CUBN: variants seen among roughly 807,000 people sequenced by gnomAD.
CUBN encodes cubilin.
In CUBN, 282 loss-of-function variants were observed where a neutral mutation model predicts 405.3. That is an observed-to-expected ratio of 0.70 (90% confidence interval 0.63 to 0.77). The LOEUF (loss-of-function observed/expected upper bound fraction) is 0.77. CUBN is among the 30% of genes least tolerant of loss of function. The probability of loss-of-function intolerance (pLI) is 0.00; values close to 1 mark genes in which losing one functional copy is unlikely to be tolerated. For synonymous variants in CUBN, 1,684 were observed against 1,617.0 expected, an observed-to-expected ratio of 1.04 and a Z score of -0.99; for missense variants, 4,514 against 4,475.2, an observed-to-expected ratio of 1.01 and a Z score of -0.25.
intron 27 of CUBN, among the ~76,000 whole-genome samples, chr10:17,024,902 C>A (rs1564484923): frequency 6.6e-6 from 1 of 152,098 alleles, no homozygotes; most frequent in Non-Finnish European, 1.5e-5. Context: ...AATGTTGTTT[C>A]TTTTATTTCC....
intron 9 of CUBN, among the ~76,000 whole-genome samples, chr10:17,109,961 G>A (rs1554820227): frequency 1.3e-5 from 2 of 152,070 alleles, no homozygotes; most frequent in Non-Finnish European, 2.9e-5. Flanking sequence ...TGTTTCTAAT[G>A]AAAAAAATAT....
intron 16 of CUBN, 73 bp from the exon 17 acceptor site, chr10:17,084,534 C>T: frequency 1.5e-6 from 2 of 1,295,232 alleles, no homozygotes; most frequent in Non-Finnish European, 2.2e-6. Context: ...GATCCAATTT[C>T]TAAAAATTTA....
Position 16,900,793 on chromosome 10 carries a change from T to G in CUBN, c.8242A>C (p.Thr2748Pro). Residue 2748 changes from threonine to proline, a missense_variant, in exon 53 of 67, where the codon ACT becomes CCT. Thr to Pro is a conservative substitution (Grantham distance 38). Transcript: ENST00000377833. ...TCAGGGGACCCACCATTCCTGACAGTGACAGAGTCCCAAGCACAAGTTGTA... is the reference window on the plus strand; with the variant it reads ...TCAGGGGACCCACCATTCCTGACAGGGACAGAGTCCCAAGCACAAGTTGTA... ...PHTTCAWDSV[T>P]VRNGGSPESP... 1 of 1,614,114 alleles carries G rather than the reference T, an allele frequency of 6.2e-7. No homozygotes were observed. The highest frequency in any genetic ancestry group is 8.5e-7 in the Non-Finnish European group (1 of 1,179,994).
At chr10:16,839,723 C>G (rs1839282323) in intron 62 of CUBN, among the ~76,000 whole-genome samples, 1 of 148,112 alleles carries the variant, frequency 6.8e-6, no homozygotes, top group African/African-American at 2.4e-5. Context: ...TGGGTATATA[C>G]CCAAAGGATT....
At chr10:17,112,596 A>G (rs1342445889) in intron 8 of CUBN, among the ~76,000 whole-genome samples, 1 of 152,108 alleles carries the variant, frequency 6.6e-6, no homozygotes, top group African/African-American at 2.4e-5. Context: ...TTACCTTCAA[A>G]ATGTGATTGC....
In CUBN at chr10:17,068,587, AAG is replaced by A; in HGVS notation, c.2791+16_2791+17del. Reference sequence around the variant, plus strand: ...ACAAGCCCAAGAGGAGGAAAAAAAAAAGGGAACAGTCTCTTACCCAAATCCTC... The same window carrying A: ...ACAAGCCCAAGAGGAGGAAAAAAAAAGGAACAGTCTCTTACCCAAATCCTC... On this transcript the variant is annotated intron_variant, in intron 20 of 66. Coordinates refer to ENST00000377833, the MANE Select transcript of CUBN (RefSeq NM_001081.4). 6.3e-7 allele frequency: 1 copy of A among 1,596,324 alleles called. No homozygotes were observed. Among genetic ancestry groups the A allele is most frequent in the Non-Finnish European group, 8.6e-7 (1 of 1,166,874 alleles).
At position 17,114,135 on chromosome 10, in the gene CUBN, C is replaced by T. The variant is rs1836831641; in HGVS notation, c.775G>A (p.Ala259Thr). Residue 259 changes from alanine (A) to threonine (T), a missense_variant, in exon 8 of 67, where the codon GCC becomes ACC. This residue lies in a region of CUBN where 1,448 missense variants were observed against 1,388.0 expected (regional missense o/e 1.04). Transcript: ENST00000377833. ...CACTCGTCTCTGTCCAGCGTGCAGG[C>T]AGGGCTGTTGGGTGAAAACATCCAC... The part of the protein sequence containing the change: ...AGWMFSPNSP[A>T]CTLDRDECSF... The T allele has an allele frequency of 1.2e-6, 2 of 1,613,676 alleles. No individual in the cohort carries two copies. Among genetic ancestry groups the T allele is most frequent in the East Asian group, 4.5e-5 (2 of 44,854 alleles).
intron 14 of CUBN, among the ~76,000 whole-genome samples, chr10:17,094,830 C>A (rs535633705): frequency 9.3e-4 from 142 of 152,064 alleles, no homozygotes; most frequent in African/African-American, 2.7e-3. Context: ...TCAATGCCAT[C>A]TCTAACAGAA....
In CUBN at chr10:16,890,446, G is replaced by C. The variant is rs377159715; in HGVS notation, c.8680C>G (p.Pro2894Ala). Reference protein sequence around the residue: ...GNVAPGPVITPSNTFTAVFQS... With the variant: ...GNVAPGPVITASNTFTAVFQS... ...AAGACGGCAGTGAATGTGTTACTTG[G>C]TGTGATAACGGGACCCGGAGCCACG... Residue 2894 changes from proline (P) to alanine (A), a missense_variant, in exon 55 of 67, where the codon CCA (proline) becomes GCA (alanine). Transcript: ENST00000377833. 35 of 1,614,044 alleles carry C rather than the reference G, an allele frequency of 2.2e-5. No homozygotes were observed. In the African/African-American group the frequency reaches 2.8e-4, roughly 13 times the overall value.
chr10:17,023,045 G>A (rs1474437454), intron 27 of CUBN, among the ~76,000 whole-genome samples: 1 of 152,166 alleles, frequency 6.6e-6, no homozygotes, highest in East Asian at 1.9e-4. Flanking sequence ...ATTTTTGCCT[G>A]TCAGCTCTGC....
intron 36 of CUBN, among the ~76,000 whole-genome samples, chr10:16,941,944 G>C (rs1842662280): frequency 6.6e-6 from 1 of 152,068 alleles, no homozygotes; most frequent in South Asian, 2.1e-4. Context: ...ACTCAAAGTT[G>C]AAATATAAAA....
At position 17,083,300 on chromosome 10, in the gene CUBN, G is replaced by A. The variant is rs191154772; in HGVS notation, c.2301+971C>T. ...GCCGGAGGATCACCTGAGGTTGGGA[G>A]TTTGAGACCAGCCTGCCCATCATGG... On this transcript the variant is annotated intron_variant, in intron 17 of 66. Coordinates refer to ENST00000377833, the MANE Select transcript of CUBN (RefSeq NM_001081.4). Among the ~76,000 whole-genome samples, 962 of 152,202 alleles carry A rather than the reference G, an allele frequency of 6.3e-3. 13 individuals are homozygous for A. The highest frequency in any genetic ancestry group is 0.021 in the African/African-American group (892 of 41,518).
chr10:16,965,576 T>TAA (rs60166274), intron 31 of CUBN: 35,886 of 138,226 alleles, frequency 0.26, 4,871 homozygotes, highest in Non-Finnish European at 0.29. Flanking sequence ...TTTTTATTTC[T>TAA]AAAAAAAAAA....
chr10:16,953,734 C>T (rs1019210261), intron 32 of CUBN, among the ~76,000 whole-genome samples: 1 of 151,948 alleles, frequency 6.6e-6, no homozygotes, highest in Non-Finnish European at 1.5e-5. Flanking sequence ...ACCTATAGTC[C>T]CAGCTACTCA....
intron 1 of CUBN, 143 bp from the exon 2 acceptor site, chr10:17,129,393 T>G (rs543121919): frequency 2.9e-6 from 3 of 1,041,098 alleles, no homozygotes; most frequent in Non-Finnish European, 4.3e-6. Flanking sequence ...CCTGCTCATC[T>G]GCCACTTTTT....
intron 28 of CUBN, among the ~76,000 whole-genome samples, chr10:17,013,481 C>T (rs1266573545): frequency 6.6e-6 from 1 of 152,054 alleles, no homozygotes; most frequent in Non-Finnish European, 1.5e-5. Context: ...CTGCCTCTGC[C>T]AGCCACTTAT....
At chr10:16,919,919 T>C (rs1449613845) in intron 44 of CUBN, 44 bp downstream of exon 44, 3 of 1,594,168 alleles carry the variant, frequency 1.9e-6, no homozygotes, top group South Asian at 1.1e-5. Flanking sequence ...GGTTAAAAAA[T>C]ACTAACTTGG....
In CUBN at chr10:16,831,283, T is replaced by C; in HGVS notation, c.10497A>G (p.Gly3499=). 1 of 1,614,170 alleles carries C rather than the reference T, an allele frequency of 6.2e-7. No individual in the cohort carries two copies. The highest frequency in any genetic ancestry group is 1.1e-5 in the South Asian group (1 of 91,088). ...FKSDSVTSDR[G]YEIIWTSSPS... ...GTGATGAAGTCCAGATGATTTCATATCCACGATCAGAAGTTACACTATCAC... is the reference window on the plus strand; with the variant it reads ...GTGATGAAGTCCAGATGATTTCATACCCACGATCAGAAGTTACACTATCAC... Residue 3499 remains glycine (G), a synonymous_variant, in exon 65 of 67, where the codon GGA becomes GGG. Transcript: ENST00000377833.
At chr10:17,064,646 A>G (rs1835572793) in intron 22 of CUBN, among the ~76,000 whole-genome samples, 1 of 152,164 alleles carries the variant, frequency 6.6e-6, no homozygotes, top group African/African-American at 2.4e-5. Flanking sequence ...CTAAAAAACA[A>G]CACATCCTAG....
Sources: allele counts gnomAD v4.1 joint callset (sites outside exome capture counted in the v4.1 genomes callset), GRCh38; gene constraint gnomAD v4.1.1; regional missense constraint gnomAD v4.1.1; transcripts MANE v1.5; gene names NCBI Gene and HGNC (gene_info 2026-07-23, HGNC 2026-07-21).